The following CHN2 variants were observed in gnomAD, a reference collection of about 807,000 sequenced individuals.
CHN2 encodes beta-chimaerin.
Under a neutral mutation model 56.3 loss-of-function variants are expected in CHN2, and 35 were observed. The observed-to-expected ratio is 0.62, with a 90% confidence interval of 0.47 to 0.82. CHN2 has a LOEUF of 0.82. CHN2 is among the 40% of genes least tolerant of loss of function. CHN2 has a pLI of 0.00. For missense variants in CHN2, 491 were observed against 580.5 expected (o/e 0.85, Z 1.58); for synonymous variants, 210 against 212.8 (o/e 0.99, Z 0.12).
chr7:29,227,379 G>A (rs889655408), intron 1 of CHN2, among the ~76,000 whole-genome samples: 3 of 152,160 alleles, frequency 2.0e-5, no homozygotes, highest in African/African-American at 4.8e-5. Flanking sequence ...AGGGATGGAC[G>A]TACTGAGTTC....
At chr7:29,356,180 C>A (rs1292403332) in intron 2 of CHN2, among the ~76,000 whole-genome samples, 1 of 152,080 alleles carries the variant, frequency 6.6e-6, no homozygotes, top group Non-Finnish European at 1.5e-5. Flanking sequence ...AGTGGGGTAG[C>A]ATTCTGAGTG....
In CHN2 at chr7:29,211,068, T is replaced by TGTTG. The variant is rs1554363855; in HGVS notation, c.49+16078_49+16079insGTTG. Among the ~76,000 whole-genome samples, 1,214 of 147,508 alleles carry TGTTG rather than the reference T, an allele frequency of 8.2e-3. 18 individuals are homozygous for TGTTG. The highest frequency in any genetic ancestry group is 0.028 in the African/African-American group (1,125 of 39,834). Reference sequence around the variant, plus strand: ...CTGACTTAGGTGTTTTGTTTTTTTTTTTGTTGTTGTTGTTGTTGTTGAGAC... The same window carrying TGTTG: ...CTGACTTAGGTGTTTTGTTTTTTTTTGTTGTTGTTGTTGTTGTTGTTGTTGAGAC... On this transcript the variant is annotated intron_variant, in intron 1 of 12. Coordinates refer to ENST00000222792, the MANE Select transcript of CHN2 (RefSeq NM_004067.4).
chr7:29,199,555 C>T (rs1056875333), intron 1 of CHN2: 3 of 152,114 alleles, frequency 2.0e-5, no homozygotes, highest in Non-Finnish European at 4.4e-5. Context: ...AATATAATCT[C>T]AAATAAAAAA....
chr7:29,344,382 A>G lies in CHN2; in HGVS notation c.50-10243A>G, dbSNP rs527672606. Among the ~76,000 whole-genome samples the G allele has an allele frequency of 2.0e-5, 3 of 152,260 alleles. No homozygotes were observed. In the South Asian group the frequency reaches 6.2e-4, roughly 32 times the overall value. On this transcript the variant is annotated intron_variant, in intron 1 of 12. Coordinates refer to ENST00000222792, the MANE Select transcript of CHN2 (RefSeq NM_004067.4). ...CCTTTAGAAGAGGTAAGTCCTTAGC[A>G]TGGTTGTAAAACGCTTAATTATCTG... is the stretch of plus-strand genomic sequence containing the variant.
intron 1 of CHN2, among the ~76,000 whole-genome samples, chr7:29,315,549 T>C (rs1794896968): frequency 6.6e-6 from 1 of 152,206 alleles, no homozygotes; most frequent in Admixed American, 6.5e-5. Context: ...TACTCTGTGG[T>C]TCACCTCAGC....
chr7:29,338,665 A>G (rs912518739), intron 1 of CHN2, among the ~76,000 whole-genome samples: 3 of 152,242 alleles, frequency 2.0e-5, no homozygotes, highest in Non-Finnish European at 4.4e-5. Context: ...TGCAACCTCC[A>G]TCTCCCAGGT....
In CHN2 at chr7:29,482,814, T is replaced by C. The variant is rs1230442845; in HGVS notation, c.654+2458T>C. On this transcript the variant is annotated intron_variant, in intron 7 of 12. Coordinates refer to ENST00000222792, the MANE Select transcript of CHN2 (RefSeq NM_004067.4). ...ACTTTTTTCTTTTTTTTTTTTTTTT[T>C]TTTTTTTTTTTTTTTTTTTTTTTTT... is the stretch of plus-strand genomic sequence containing the variant. Among the ~76,000 whole-genome samples the C allele has an allele frequency of 2.0e-4, 13 of 64,014 alleles. No individual in the cohort carries two copies. The South Asian group carries it at 3.8e-3, about 19-fold the overall frequency. 42.0% of individuals were successfully genotyped at this position (64,014 alleles called of 152,430 possible).
chr7:29,480,693 G>A (rs1262407439), intron 7 of CHN2, among the ~76,000 whole-genome samples: 1 of 152,224 alleles, frequency 6.6e-6, no homozygotes, highest in African/African-American at 2.4e-5. Context: ...GCTGAGAGCT[G>A]AGCAGTACTT....
At chr7:29,420,689 A>G in intron 6 of CHN2, among the ~76,000 whole-genome samples, 1 of 152,362 alleles carries the variant, frequency 6.6e-6, no homozygotes, top group East Asian at 1.9e-4. Context: ...TAGTTTTGCA[A>G]GATGAAAAAG....
chr7:29,478,744 G>A (rs996220625), intron 6 of CHN2, among the ~76,000 whole-genome samples: 3 of 152,178 alleles, frequency 2.0e-5, no homozygotes, highest in African/African-American at 7.2e-5. Context: ...CAGATTAAAT[G>A]AGTTAAGTGC....
chr7:29,508,430 A>AC (rs985261922), intron 11 of CHN2, among the ~76,000 whole-genome samples: 32 of 151,868 alleles, frequency 2.1e-4, no homozygotes, highest in African/African-American at 7.5e-4. Context: ...AAAAAAAAAA[A>AC]AAAACCTTTA....
intron 1 of CHN2, among the ~76,000 whole-genome samples, chr7:29,296,816 A>G (rs1240075364): frequency 1.3e-5 from 2 of 152,240 alleles, no homozygotes; most frequent in African/African-American, 2.4e-5. Context: ...TGAACTTACT[A>G]TGAATTGTCT....
chr7:29,215,752 A>G (rs1286347551), intron 1 of CHN2, among the ~76,000 whole-genome samples: 1 of 151,898 alleles, frequency 6.6e-6, no homozygotes, highest in Non-Finnish European at 1.5e-5. Context: ...TGTCTGTGTA[A>G]TAAGGCAGAT....
chr7:29,424,163 G>A (rs1204663828), intron 6 of CHN2, among the ~76,000 whole-genome samples: 1 of 152,124 alleles, frequency 6.6e-6, no homozygotes, highest in African/African-American at 2.4e-5. Flanking sequence ...TTATTTTTTG[G>A]TGTCCCTGGG....
intron 3 of CHN2, among the ~76,000 whole-genome samples, chr7:29,370,646 G>A (rs769042119): frequency 6.6e-6 from 1 of 152,008 alleles, no homozygotes; most frequent in Non-Finnish European, 1.5e-5. Context: ...CGGGCCATGG[G>A]CCTCTCCCAG....
chr7:29,244,658 G>C (rs1011747505), intron 1 of CHN2, among the ~76,000 whole-genome samples: 2 of 152,300 alleles, frequency 1.3e-5, no homozygotes, highest in East Asian at 3.9e-4. Context: ...CTGGTACTAT[G>C]TGAACACCAT....
intron 1 of CHN2, among the ~76,000 whole-genome samples, chr7:29,310,011 C>T (rs1466020421): frequency 1.3e-5 from 2 of 152,224 alleles, no homozygotes; most frequent in African/African-American, 4.8e-5. Context: ...TCTCATGGGG[C>T]AGGCACATGG....
intron 6 of CHN2, among the ~76,000 whole-genome samples, chr7:29,454,993 T>G (rs1013034531): frequency 1.3e-5 from 2 of 152,152 alleles, no homozygotes; most frequent in Non-Finnish European, 2.9e-5. Flanking sequence ...ATGGATCCTT[T>G]TAGAGGCATC....
At position 29,512,640 on chromosome 7, in the gene CHN2, C is replaced by T. The variant is rs34971642; in HGVS notation, c.1312C>T (p.Pro438Ser). 2.5e-3 allele frequency: 4,083 copies of T among 1,614,034 alleles called. 95 individuals are homozygous for T. The African/African-American group carries it at 0.048, about 19-fold the overall frequency. The change falls in exon 13 of 13, where the codon CCC (proline) becomes TCC (serine). Residue 438 changes from proline to serine, a missense_variant. Pro to Ser is a moderately conservative substitution (Grantham distance 74). Coordinates refer to ENST00000222792, the MANE Select transcript of CHN2 (RefSeq NM_004067.4). Reference sequence around the variant, plus strand: ...CGTGTTTGGGCCCACTCTGATGAGGCCCCCTGAGGACAGCACCCTGACCAC... The same window carrying T: ...CGTGTTTGGGCCCACTCTGATGAGGTCCCCTGAGGACAGCACCCTGACCAC... ...GIVFGPTLMR[P>S]PEDSTLTTLH...
Sources: allele counts gnomAD v4.1 joint callset (sites outside exome capture counted in the v4.1 genomes callset), GRCh38; gene constraint gnomAD v4.1.1; transcripts MANE v1.5; gene names NCBI Gene and HGNC (gene_info 2026-07-23, HGNC 2026-07-21).